SEMA3A: variants seen among roughly 807,000 people sequenced by gnomAD.
The protein encoded by SEMA3A is semaphorin-3A.
A neutral mutation model predicts 97.9 loss-of-function variants in SEMA3A; 29 were observed. The ratio of observed to expected loss-of-function variants is 0.30; its 90% confidence interval spans 0.22 to 0.40. SEMA3A has a LOEUF of 0.40. Ranked by LOEUF, SEMA3A falls within the 10% of genes least tolerant of loss-of-function variation. The probability of loss-of-function intolerance (pLI) is 1.00; values close to 1 mark genes in which losing one functional copy is unlikely to be tolerated. For missense variants in SEMA3A, 763 were observed against 951.3 expected (o/e 0.80, Z 2.60); for synonymous variants, 321 against 323.7 (o/e 0.99, Z 0.09).
intron 1 of SEMA3A, among the ~76,000 whole-genome samples, chr7:84,491,447 T>C (rs921243550): frequency 1.3e-5 from 2 of 152,166 alleles, no homozygotes; most frequent in African/African-American, 4.8e-5. Flanking sequence ...GATGGATTAA[T>C]TCAGAAATCA....
intron 1 of SEMA3A, among the ~76,000 whole-genome samples, chr7:84,150,280 C>G (rs1458559471): frequency 1.3e-5 from 2 of 152,158 alleles, no homozygotes; most frequent in African/African-American, 4.8e-5. Context: ...CAGCTCCCAG[C>G]GTGAGCGACG....
intron 3 of SEMA3A, 132 bp downstream of exon 3, chr7:84,128,991 T>C (rs1795879198): frequency 6.1e-6 from 4 of 654,742 alleles, no homozygotes; most frequent in Admixed American, 2.8e-5. Flanking sequence ...AGATATCTTA[T>C]TATATATATG....
chr7:84,183,221 A>G (rs73382865), intron 1 of SEMA3A, among the ~76,000 whole-genome samples: 1,781 of 152,234 alleles, frequency 0.012, 30 homozygotes, highest in African/African-American at 0.041. Flanking sequence ...ATAAAATACC[A>G]TGCTGCAGTC....
chr7:83,966,567 C>G (rs1353730940), intron 15 of SEMA3A, among the ~76,000 whole-genome samples: 1 of 152,212 alleles, frequency 6.6e-6, no homozygotes, highest in East Asian at 1.9e-4. Flanking sequence ...AGCTAGTGAC[C>G]GGTGAGGCTA....
intron 1 of SEMA3A, among the ~76,000 whole-genome samples, chr7:84,405,544 C>T (rs1401048874): frequency 1.3e-5 from 2 of 152,098 alleles, no homozygotes; most frequent in South Asian, 4.2e-4. Context: ...ACCAAGTAGA[C>T]GTAATAGACA....
intron 1 of SEMA3A, among the ~76,000 whole-genome samples, chr7:84,406,030 G>A (rs1584298140): frequency 6.6e-6 from 1 of 152,106 alleles, no homozygotes; most frequent in Admixed American, 6.5e-5. Flanking sequence ...CTAGCAGAAG[G>A]CGAGAAATAA....
intron 3 of SEMA3A, among the ~76,000 whole-genome samples, chr7:84,247,562 TAAC>T (rs1799504812): frequency 6.6e-6 from 1 of 152,140 alleles, no homozygotes; most frequent in African/African-American, 2.4e-5. Flanking sequence ...AAGAGTAACA[TAAC>T]TTCCCAATAT....
chr7:84,480,288 G>T (rs895559663), intron 1 of SEMA3A, among the ~76,000 whole-genome samples: 5 of 151,990 alleles, frequency 3.3e-5, no homozygotes, highest in Non-Finnish European at 7.4e-5. Context: ...GCAGAAGGAA[G>T]GTATACTAGG....
chr7:84,473,391 AATATTATTATTATTATT>A (rs1428569110), intron 1 of SEMA3A, among the ~76,000 whole-genome samples: 1 of 148,054 alleles, frequency 6.8e-6, no homozygotes, highest in Non-Finnish European at 1.5e-5. Context: ...TTATTATTAT[AATATTATTATTATTATT>A]ATTTGCGATT....
intron 6 of SEMA3A, among the ~76,000 whole-genome samples, chr7:84,037,270 A>G (rs748324577): frequency 1.3e-5 from 2 of 152,076 alleles, no homozygotes; most frequent in African/African-American, 4.8e-5. Context: ...AAATACCCTT[A>G]TAAATGTATG....
At chr7:84,232,253 A>G (rs1302794900) in intron 3 of SEMA3A, among the ~76,000 whole-genome samples, 1 of 147,826 alleles carries the variant, frequency 6.8e-6, no homozygotes, top group African/African-American at 2.5e-5. Context: ...ATTTATATGT[A>G]TATTTATTAT....
chr7:84,420,283 A>G (rs975780594), intron 1 of SEMA3A, among the ~76,000 whole-genome samples: 1 of 152,078 alleles, frequency 6.6e-6, no homozygotes, highest in Non-Finnish European at 1.5e-5. Context: ...ATATTCTCAA[A>G]GAACTATTAA....
chr7:84,150,467 G>T (rs1053590006), intron 1 of SEMA3A, among the ~76,000 whole-genome samples: 1 of 152,210 alleles, frequency 6.6e-6, no homozygotes, highest in African/African-American at 2.4e-5. Context: ...CCTAATCAAA[G>T]AAAGGGGTGA....
chr7:84,056,528 C>T (rs1792982960), intron 5 of SEMA3A, among the ~76,000 whole-genome samples: 1 of 151,774 alleles, frequency 6.6e-6, no homozygotes, highest in African/African-American at 2.4e-5. Context: ...ATGTTGTTAA[C>T]ACCTTAAGTA....
chr7:84,346,479 C>A (rs1802303078), intron 2 of SEMA3A, among the ~76,000 whole-genome samples: 1 of 151,974 alleles, frequency 6.6e-6, no homozygotes, highest in Non-Finnish European at 1.5e-5. Flanking sequence ...GATGTGTGAC[C>A]CTTCTTCCAC....
chr7:84,483,461 T>C (rs1806495302), intron 1 of SEMA3A, among the ~76,000 whole-genome samples: 1 of 152,162 alleles, frequency 6.6e-6, no homozygotes, highest in Non-Finnish European at 1.5e-5. Context: ...GTGTCTCTCT[T>C]GTTATAAAAG....
chr7:84,132,662 G>GTTTTTTTTT lies in SEMA3A; in HGVS notation c.270+2123_270+2131dup, dbSNP rs55830654. Among the ~76,000 whole-genome samples the GTTTTTTTTT allele has an allele frequency of 1.4e-4, 12 of 86,632 alleles. 1 individual carries two copies. The highest frequency in any genetic ancestry group is 6.6e-4 in the Admixed American group (4 of 6,060). The allele number at this position is 86,632 out of a possible 152,430, so 56.8% of individuals were successfully genotyped here. ...TCTAATTTTTCTTCATCGACTTGGT[G>GTTTTTTTTT]TTTTTTTTTTTTTTTTTTTTTTTTT... On this transcript the variant is annotated intron_variant, in intron 2 of 16. Transcript: ENST00000265362.
At position 84,307,035 on chromosome 7, in the gene SEMA3A, C is replaced by T. The variant is rs185135721; in HGVS notation, c.-83+172G>A. ...CTGATTTTTATTTCAAATGTTGGAG[C>T]CCTCTCATCTACCCAAATAATTCTA... On this transcript the variant is annotated intron_variant, in intron 3 of 3. Coordinates refer to the SEMA3A transcript ENST00000424555. Among the ~76,000 whole-genome samples, 606 of 151,824 alleles carry T rather than the reference C, an allele frequency of 4.0e-3. 8 individuals carry two copies. Among genetic ancestry groups the T allele is most frequent in the South Asian group, 0.023 (109 of 4,812 alleles).
At chr7:84,311,959 A>T (rs1452571241) in intron 2 of SEMA3A, among the ~76,000 whole-genome samples, 1 of 151,922 alleles carries the variant, frequency 6.6e-6, no homozygotes, top group Non-Finnish European at 1.5e-5. Flanking sequence ...GTAAATTTTC[A>T]TGTATTTAAA....
Sources: gnomAD v4.1 joint callset for allele counts (sites outside exome capture counted in the v4.1 genomes callset) on GRCh38, gnomAD v4.1.1 for gene constraint, MANE v1.5 for transcripts, NCBI Gene and HGNC (gene_info 2026-07-23, HGNC 2026-07-21) for gene names.